DEPTOR: variants seen among roughly 807,000 people sequenced by gnomAD.
The protein encoded by DEPTOR is DEP domain-containing mTOR-interacting protein.
DEPTOR carries 41 observed loss-of-function variants against 41.6 expected under a neutral mutation model. The observed-to-expected ratio is 0.98, with a 90% confidence interval of 0.77 to 1.28. DEPTOR has a LOEUF of 1.28. Ranked by LOEUF, DEPTOR falls within the 50% of genes most tolerant of loss-of-function variation. The probability of loss-of-function intolerance (pLI) is 0.00; values close to 1 mark genes in which losing one functional copy is unlikely to be tolerated. For missense variants in DEPTOR, 514 were observed against 527.9 expected (o/e 0.97, Z 0.26); for synonymous variants, 195 against 192.3 (o/e 1.01, Z -0.12).
At chr8:119,967,062 C>CT (rs1828571368) in intron 4 of DEPTOR, among the ~76,000 whole-genome samples, 1 of 151,754 alleles carries the variant, frequency 6.6e-6, no homozygotes, top group African/African-American at 2.4e-5. Context: ...GAATGGGAGT[C>CT]TTTTTTGTTT....
At chr8:119,889,025 C>T (rs1827411954) in intron 1 of DEPTOR, among the ~76,000 whole-genome samples, 1 of 152,026 alleles carries the variant, frequency 6.6e-6, no homozygotes, top group African/African-American at 2.4e-5. Context: ...ATGTCTCATA[C>T]ATTATTCATA....
Position 120,035,574 on chromosome 8 carries a change from G to C in DEPTOR, c.1102-14002G>C, listed in dbSNP as rs74992377. Among the ~76,000 whole-genome samples, 21 of 152,174 alleles carry C rather than the reference G, an allele frequency of 1.4e-4. No individual in the cohort carries two copies. The East Asian group carries it at 3.9e-3, about 28-fold the overall frequency. On this transcript the variant is annotated intron_variant, in intron 8 of 8. Coordinates refer to ENST00000286234, the MANE Select transcript of DEPTOR (RefSeq NM_022783.4). ...GTGTGTAAATTTTGCCTTCTTTTCA[G>C]CAACTGGAGTGCAGTGGTGCAATCT...
chr8:120,034,264 T>TACAC (rs71571645), intron 8 of DEPTOR, among the ~76,000 whole-genome samples: 44,364 of 145,006 alleles, frequency 0.31, 7,801 homozygotes, highest in East Asian at 0.47. Context: ...GCAAAGCATG[T>TACAC]ACACACACAC....
intron 1 of DEPTOR, among the ~76,000 whole-genome samples, chr8:119,918,207 C>T (rs1163565567): frequency 6.6e-6 from 1 of 152,056 alleles, no homozygotes; most frequent in Admixed American, 6.6e-5. Context: ...CCAAGTCTCT[C>T]GTTCCACCTA....
intron 1 of DEPTOR, among the ~76,000 whole-genome samples, chr8:119,914,441 C>CT (rs11435363): frequency 0.22 from 32,697 of 149,636 alleles, 4,089 homozygotes; most frequent in African/African-American, 0.33. Context: ...TCACCCAAGC[C>CT]TTTTTTTTTC....
intron 1 of DEPTOR, among the ~76,000 whole-genome samples, chr8:119,895,699 C>T (rs1421048916): frequency 6.6e-6 from 1 of 152,170 alleles, no homozygotes; most frequent in African/African-American, 2.4e-5. Context: ...AGCTGAGCCT[C>T]TGAGGTCACA....
intron 8 of DEPTOR, among the ~76,000 whole-genome samples, chr8:120,038,738 G>A (rs1022019039): frequency 1.3e-5 from 2 of 152,170 alleles, no homozygotes; most frequent in Non-Finnish European, 2.9e-5. Flanking sequence ...CACTGCTCAG[G>A]GGGCAGAGTA....
intron 1 of DEPTOR, among the ~76,000 whole-genome samples, chr8:119,926,030 G>A (rs974540077): frequency 1.3e-5 from 2 of 152,172 alleles, no homozygotes; most frequent in East Asian, 3.8e-4. Context: ...TGATTAGGAT[G>A]CCAATTAAAA....
chr8:120,033,334 A>G (rs1449936421), intron 8 of DEPTOR, among the ~76,000 whole-genome samples: 3 of 151,794 alleles, frequency 2.0e-5, no homozygotes, highest in African/African-American at 4.8e-5. Context: ...TGTTCCACCC[A>G]CCTCTGCCTC....
intron 8 of DEPTOR, among the ~76,000 whole-genome samples, chr8:120,022,799 G>A (rs1000338912): frequency 2.2e-4 from 33 of 151,798 alleles, no homozygotes; most frequent in African/African-American, 6.8e-4. Context: ...GCCTCTCAAA[G>A]TGCTGGGATT....
chr8:119,873,797 A>G lies in DEPTOR; in HGVS notation c.-50A>G. 6.2e-7 allele frequency: 1 copy of G among 1,604,712 alleles called. No homozygotes were observed. On this transcript the variant is annotated 5_prime_UTR_variant, in exon 1 of 9. Coordinates refer to ENST00000286234, the MANE Select transcript of DEPTOR (RefSeq NM_022783.4). ...TGAGGGCAGACTGATCCGAGCACCC[A>G]AACCCTCGGCGGACAGCGGAGCCAG... is the stretch of plus-strand genomic sequence containing the variant.
intron 1 of DEPTOR, among the ~76,000 whole-genome samples, chr8:119,880,566 C>T (rs1187778698): frequency 2.0e-5 from 3 of 152,190 alleles, no homozygotes; most frequent in Non-Finnish European, 4.4e-5. Context: ...ATGAGAATAT[C>T]ACATTGCAGT....
chr8:119,954,780 G>A (rs2129936584), intron 3 of DEPTOR, among the ~76,000 whole-genome samples: 1 of 152,204 alleles, frequency 6.6e-6, no homozygotes, highest in East Asian at 1.9e-4. Flanking sequence ...ATAGATCCAG[G>A]AAAGGTGGAA....
chr8:119,886,532 T>TACATACAC (rs1827367409), intron 1 of DEPTOR, among the ~76,000 whole-genome samples: 1 of 151,584 alleles, frequency 6.6e-6, no homozygotes, highest in African/African-American at 2.4e-5. Context: ...CACAGATACA[T>TACATACAC]ACATACACAC....
intron 4 of DEPTOR, among the ~76,000 whole-genome samples, chr8:119,974,830 C>T (rs1828677757): frequency 6.6e-6 from 1 of 151,412 alleles, no homozygotes; most frequent in Admixed American, 6.6e-5. Context: ...CCATTATTCC[C>T]TGAAACAAAG....
chr8:119,979,167 G>C (rs1828732399), intron 4 of DEPTOR, among the ~76,000 whole-genome samples: 1 of 152,148 alleles, frequency 6.6e-6, no homozygotes, highest in Non-Finnish European at 1.5e-5. Flanking sequence ...AAATATGTGT[G>C]TTGATTAATA....
chr8:119,976,103 C>A (rs183221761), intron 4 of DEPTOR, among the ~76,000 whole-genome samples: 1 of 151,958 alleles, frequency 6.6e-6, no homozygotes, highest in Non-Finnish European at 1.5e-5. Flanking sequence ...CTCAGGCAAT[C>A]CACCTGCCTG....
intron 3 of DEPTOR, among the ~76,000 whole-genome samples, chr8:119,935,232 C>A (rs1471556557): frequency 6.6e-6 from 1 of 152,218 alleles, no homozygotes; most frequent in Non-Finnish European, 1.5e-5. Context: ...ACCCAAGACA[C>A]TCAACACATG....
At chr8:119,962,511 G>A (rs1379013195) in intron 3 of DEPTOR, among the ~76,000 whole-genome samples, 1 of 152,058 alleles carries the variant, frequency 6.6e-6, no homozygotes, top group African/African-American at 2.4e-5. Flanking sequence ...AAAGGCCTGT[G>A]GTAGATGGGG....
Sources: allele counts gnomAD v4.1 joint callset (sites outside exome capture counted in the v4.1 genomes callset), GRCh38; gene constraint gnomAD v4.1.1; transcripts MANE v1.5; gene names NCBI Gene and HGNC (gene_info 2026-07-23, HGNC 2026-07-21).